The following ANP32B variants were observed in gnomAD, a reference collection of about 807,000 sequenced individuals.
ANP32B encodes acidic leucine-rich nuclear phosphoprotein 32 family member B.
In ANP32B, 6 loss-of-function variants were observed where a neutral mutation model predicts 32.2. The observed-to-expected ratio is 0.19, with a 90% CI of 0.10 to 0.37. The LOEUF (loss-of-function observed/expected upper bound fraction) is 0.37. Ranked by LOEUF, ANP32B falls within the 10% of genes least tolerant of loss-of-function variation. ANP32B has a pLI of 1.00. For synonymous variants in ANP32B, 98 were observed against 105.8 expected (o/e 0.93, Z 0.45); for missense variants, 204 against 289.2 (o/e 0.71, Z 2.14).
At chr9:98,005,707 GAC>G (rs1828070486) in intron 4 of ANP32B, among the ~76,000 whole-genome samples, 1 of 152,212 alleles carries the variant, frequency 6.6e-6, no homozygotes, top group African/African-American at 2.4e-5. Flanking sequence ...ACAGGGATGA[GAC>G]ACTGAACCTG....
At chr9:97,994,967 T>A (rs1393811407) in intron 2 of ANP32B, among the ~76,000 whole-genome samples, 187 bp downstream of exon 2, 1 of 152,224 alleles carries the variant, frequency 6.6e-6, no homozygotes, top group Non-Finnish European at 1.5e-5. Flanking sequence ...TTAATCTCTC[T>A]AAGGCCCAAT....
intron 3 of ANP32B, among the ~76,000 whole-genome samples, chr9:97,999,166 A>G (rs555421710): frequency 6.6e-6 from 1 of 152,248 alleles, no homozygotes; most frequent in Middle Eastern, 3.4e-3. Flanking sequence ...GGGCCTCTCT[A>G]ATTAGATGTA....
intron 5 of ANP32B, among the ~76,000 whole-genome samples, chr9:98,011,898 A>T (rs567183722): frequency 6.6e-6 from 1 of 152,240 alleles, no homozygotes; most frequent in Middle Eastern, 3.2e-3. Context: ...CCCTGAGGAA[A>T]TAAATGCTAT....
In ANP32B at chr9:98,015,288, G is replaced by A. The variant is rs1213945946; in HGVS notation, c.689-76G>A. On this transcript the variant is annotated intron_variant, in intron 6 of 6. Transcript: ENST00000339399. ...TCTCCTAACTGTCAAAAACTTTGTT[G>A]TTGTTGCCTCCATTGGCAATAATCT... 3.3e-6 allele frequency: 5 copies of A among 1,529,584 alleles called. No individual in the cohort carries two copies. The East Asian group carries it at 1.2e-4, about 38-fold the overall frequency. The allele number at this position is 1,529,584 out of a possible 1,614,324, so 94.8% of individuals were successfully genotyped here.
At chr9:98,012,650 G>C (rs1011440130) in intron 6 of ANP32B, among the ~76,000 whole-genome samples, 178 bp downstream of exon 6, 1 of 152,220 alleles carries the variant, frequency 6.6e-6, no homozygotes, top group African/African-American at 2.4e-5. Context: ...CAGGCTCCCT[G>C]CTGCTACAGC....
At chr9:97,985,630 G>T (rs1001658925) in intron 1 of ANP32B, among the ~76,000 whole-genome samples, 24 of 152,204 alleles carry the variant, frequency 1.6e-4, no homozygotes, top group Non-Finnish European at 3.2e-4. Flanking sequence ...TGGGTCTTCA[G>T]AAATGCGTTA....
Position 97,983,567 on chromosome 9 carries a change from G to A in ANP32B, c.12G>A (p.Lys4=), listed in dbSNP as rs1440265144. ...GGGAAGAGGGGAACATGGACATGAA[G>A]AGGAGGATCCACCTGGAGCTGAGGA... is the stretch of plus-strand genomic sequence containing the variant. MDM[K]RRIHLELRNR... The change falls in exon 1 of 7, where the codon AAG becomes AAA. Residue 4 remains lysine (K), a synonymous_variant. Transcript: ENST00000339399. The A allele has an allele frequency of 5.7e-6, 9 of 1,585,536 alleles. No homozygotes were observed. Among genetic ancestry groups the A allele is most frequent in the Admixed American group, 3.5e-5 (2 of 56,390 alleles).
chr9:97,991,351 G>A (rs1045792715), intron 1 of ANP32B, among the ~76,000 whole-genome samples: 8 of 152,114 alleles, frequency 5.3e-5, no homozygotes, highest in Non-Finnish European at 1.2e-4. Context: ...CTGGGCTCAG[G>A]TGGTCCTCCC....
Position 97,989,764 on chromosome 9 carries a change from C to CTAGAT in ANP32B, c.55-4867_55-4866insTAGAT, listed in dbSNP as rs147231724. The stretch of plus-strand genomic sequence containing the variant: ...TTGCAAGGCAGTCTAGATCTCTATA[C>CTAGAT]CCAGGAAGGAATGAAAAGAGATGAG... On this transcript the variant is annotated intron_variant, in intron 1 of 6. Transcript: ENST00000339399. Among the ~76,000 whole-genome samples the CTAGAT allele has an allele frequency of 2.0e-3, 303 of 152,196 alleles. 1 individual carries two copies. Among genetic ancestry groups the CTAGAT allele is most frequent in the African/African-American group, 6.8e-3 (281 of 41,528 alleles).
intron 1 of ANP32B, 105 bp downstream of exon 1, chr9:97,983,714 G>A: frequency 1.1e-6 from 1 of 923,254 alleles, no homozygotes; most frequent in Non-Finnish European, 1.5e-6. Flanking sequence ...GCGCGGGGAA[G>A]AGCGCAGCTC....
chr9:97,985,035 C>T (rs1432488386), intron 1 of ANP32B, among the ~76,000 whole-genome samples: 1 of 150,648 alleles, frequency 6.6e-6, no homozygotes, highest in Admixed American at 6.6e-5. Context: ...CATTCGTCTC[C>T]CGGGTTTAGC....
chr9:98,001,165 G>T (rs956604549), intron 3 of ANP32B, among the ~76,000 whole-genome samples: 3 of 138,076 alleles, frequency 2.2e-5, no homozygotes, highest in African/African-American at 8.3e-5. Flanking sequence ...CCTTCTCCCC[G>T]CCACCCCCCT....
intron 1 of ANP32B, among the ~76,000 whole-genome samples, chr9:97,985,075 CCG>C (rs1199406523): frequency 2.7e-5 from 4 of 150,300 alleles, no homozygotes; most frequent in Admixed American, 6.6e-5. Flanking sequence ...AGCCCCCCCC[CCG>C]CCGCGGACCG....
intron 4 of ANP32B, among the ~76,000 whole-genome samples, chr9:98,007,732 G>A (rs1828110483): frequency 6.6e-6 from 1 of 152,214 alleles, no homozygotes; most frequent in Admixed American, 6.5e-5. Context: ...CATCCATAGA[G>A]AAATGCTGGC....
chr9:97,990,841 A>G (rs4743151), intron 1 of ANP32B, among the ~76,000 whole-genome samples: 33,426 of 123,552 alleles, frequency 0.27, 4,407 homozygotes, highest in South Asian at 0.5. Context: ...TTTTTTTGAG[A>G]CATAATCTTG....
intron 1 of ANP32B, among the ~76,000 whole-genome samples, chr9:97,993,317 G>A (rs1215761456): frequency 6.6e-6 from 1 of 152,210 alleles, no homozygotes; most frequent in East Asian, 1.9e-4. Context: ...ATAATTGATA[G>A]CAATTACTAG....
In ANP32B at chr9:97,990,843, A is replaced by G. The variant is rs375457283; in HGVS notation, c.55-3788A>G. Among the ~76,000 whole-genome samples, 166 of 125,188 alleles carry G rather than the reference A, an allele frequency of 1.3e-3. 1 individual carries two copies. The highest frequency in any genetic ancestry group is 5.1e-3 in the Middle Eastern group (1 of 198). 82.1% of individuals were successfully genotyped at this position (125,188 alleles called of 152,430 possible). On this transcript the variant is annotated intron_variant, in intron 1 of 6. Coordinates refer to ENST00000339399, the MANE Select transcript of ANP32B (RefSeq NM_006401.3). ...TTTTTTTTTTTTTTTTTTTTGAGAC[A>G]TAATCTTGCTCTGGTGCCCAGGCTG...
At chr9:97,986,520 T>G (rs977090171) in intron 1 of ANP32B, 5 of 152,244 alleles carry the variant, frequency 3.3e-5, no homozygotes, top group African/African-American at 1.2e-4. Context: ...GAAAAAATGC[T>G]GTAGATTTTG....
chr9:97,999,934 T>C (rs1200400630), intron 3 of ANP32B, among the ~76,000 whole-genome samples: 2 of 152,198 alleles, frequency 1.3e-5, no homozygotes, highest in African/African-American at 4.8e-5. Flanking sequence ...CTGTTGTCTC[T>C]ATTCTGATGT....
Sources: gnomAD v4.1 joint callset for allele counts (sites outside exome capture counted in the v4.1 genomes callset) on GRCh38, gnomAD v4.1.1 for gene constraint, MANE v1.5 for transcripts, NCBI Gene and HGNC (gene_info 2026-07-23, HGNC 2026-07-21) for gene names.